The following JMJD1C variants were observed in gnomAD, a reference collection of about 807,000 sequenced individuals.
JMJD1C encodes the protein jumonji domain-containing protein 1C.
In JMJD1C, 31 loss-of-function variants were observed where a neutral mutation model predicts 245.3. The observed-to-expected ratio is 0.13, with a 90% CI of 0.09 to 0.17. JMJD1C has a LOEUF of 0.17. JMJD1C is among the 10% of genes least tolerant of loss of function. The pLI is 1.00. For missense variants in JMJD1C, 2,691 were observed against 3,000.2 expected (o/e 0.90, Z 2.41); for synonymous variants, 1,057 against 1,017.4 (o/e 1.04, Z -0.74).
chr10:63,375,370 T>C (rs1025637208), intron 2 of JMJD1C, among the ~76,000 whole-genome samples: 3 of 151,662 alleles, frequency 2.0e-5, no homozygotes, highest in African/African-American at 4.8e-5. Flanking sequence ...AATGAATAAT[T>C]TGAAAATGAA....
intron 1 of JMJD1C, among the ~76,000 whole-genome samples, chr10:63,397,472 CAA>C (rs1042953560): frequency 6.6e-6 from 1 of 152,078 alleles, no homozygotes. Context: ...CTCGGCCTCC[CAA>C]AGTGTTGGGA....
intron 2 of JMJD1C, among the ~76,000 whole-genome samples, chr10:63,357,359 G>A (rs985479719): frequency 6.6e-6 from 1 of 152,172 alleles, no homozygotes; most frequent in African/African-American, 2.4e-5. Flanking sequence ...AGGCTGGAGT[G>A]CAATGGCACA....
upstream of JMJD1C, among the ~76,000 whole-genome samples, chr10:63,467,611 C>A (rs1006654348): frequency 6.6e-6 from 1 of 152,242 alleles, no homozygotes; most frequent in Non-Finnish European, 1.5e-5. Context: ...TTTGCTTGGG[C>A]AATTTTATTT....
Position 63,308,205 on chromosome 10 carries a change from C to T in JMJD1C, c.334-43441G>A, listed in dbSNP as rs749612416. 2.9e-4 allele frequency among the ~76,000 whole-genome samples: 44 copies of T among 151,932 alleles called. 1 individual carries two copies. The highest frequency in any genetic ancestry group is 4.4e-5 in the Non-Finnish European group (3 of 67,992). ...TGACTGTATGCATACTAATATCTAA[C>T]GAACTTCAGCCATTTTCCCCGACTC... On this transcript the variant is annotated intron_variant, in intron 2 of 25. Coordinates refer to ENST00000399262, the MANE Select transcript of JMJD1C (RefSeq NM_032776.3).
At chr10:63,172,976 G>A (rs1182532672) in intron 24 of JMJD1C, among the ~76,000 whole-genome samples, 3 of 150,490 alleles carry the variant, frequency 2.0e-5, no homozygotes, top group South Asian at 2.1e-4. Context: ...GTCACTTTGA[G>A]CCTACTAAAA....
Position 63,419,741 on chromosome 10 carries a change from G to C in JMJD1C, c.169-39259C>G, listed in dbSNP as rs1950009444. Among the ~76,000 whole-genome samples, 3 of 142,346 alleles carry C rather than the reference G, an allele frequency of 2.1e-5. No homozygotes were observed. In the Admixed American group the frequency reaches 2.2e-4, roughly 11 times the overall value. The allele number at this position is 142,346 out of a possible 152,430, so 93.4% of individuals were successfully genotyped here. A position where few individuals can be genotyped will look rare whatever the true frequency, so the allele number is the denominator to read the frequency against. The stretch of plus-strand genomic sequence containing the variant: ...AGCTTTGAGTAATCAAGGTGGCTTA[G>C]AAAATCTCAAATCACACTAAGAAAA... On this transcript the variant is annotated intron_variant, in intron 1 of 25. Transcript: ENST00000399262.
chr10:63,198,207 T>TAA (rs1845660490), intron 12 of JMJD1C, among the ~76,000 whole-genome samples: 2 of 152,208 alleles, frequency 1.3e-5, no homozygotes, highest in South Asian at 4.1e-4. Flanking sequence ...ATAATTGGGG[T>TAA]AGATTATGTC....
chr10:63,485,033 T>A (rs1190627364), intron 1 of JMJD1C, among the ~76,000 whole-genome samples: 1 of 151,348 alleles, frequency 6.6e-6, no homozygotes, highest in Non-Finnish European at 1.5e-5. Context: ...CAGAAATAGA[T>A]GTAAACCCAC....
At chr10:63,433,427 G>C (rs1385270623) in intron 1 of JMJD1C, among the ~76,000 whole-genome samples, 1 of 151,768 alleles carries the variant, frequency 6.6e-6, no homozygotes, top group Non-Finnish European at 1.5e-5. Context: ...TAGATACTGA[G>C]AATTTAAAAA....
chr10:63,421,001 T>A (rs1301989776), intron 1 of JMJD1C, among the ~76,000 whole-genome samples: 1 of 151,708 alleles, frequency 6.6e-6, no homozygotes, highest in East Asian at 1.9e-4. Flanking sequence ...GACAAAAAAA[T>A]GAAAAACACA....
At chr10:63,493,948 T>G (rs1253856602) in intron 1 of JMJD1C, among the ~76,000 whole-genome samples, 1 of 151,914 alleles carries the variant, frequency 6.6e-6, no homozygotes, top group Non-Finnish European at 1.5e-5. Flanking sequence ...AACCATGGAG[T>G]CTTTTCTTCC....
intron 1 of JMJD1C, among the ~76,000 whole-genome samples, chr10:63,413,506 G>A (rs1949611467): frequency 6.6e-6 from 1 of 152,162 alleles, no homozygotes; most frequent in African/African-American, 2.4e-5. Flanking sequence ...CAACTACTGG[G>A]AAGGAGGAAG....
chr10:63,191,098 T>G lies in JMJD1C; in HGVS notation c.6087A>C (p.Glu2029Asp), dbSNP rs763839267. 1.2e-5 allele frequency: 20 copies of G among 1,609,334 alleles called. No individual in the cohort carries two copies. In the East Asian group the frequency reaches 4.5e-4, roughly 36 times the overall value. The change falls in exon 17 of 26, where the codon GAA (glutamate) becomes GAC (aspartate). Residue 2029 changes from glutamate (E) to aspartate (D), a missense_variant. By Grantham distance (45) the Glu-to-Asp change is conservative. Transcript: ENST00000399262. ...CTTTAATTTGGTTTTCAAGGGTAAGTTCTTTGTTTTCTGAAATAGAAAATT... is the reference window on the plus strand; with the variant it reads ...CTTTAATTTGGTTTTCAAGGGTAAGGTCTTTGTTTTCTGAAATAGAAAATT... ...KAREEKKENK[E>D]LTLENQIKEE...
chr10:63,411,905 ATTTTTT>A (rs1174450794), intron 1 of JMJD1C, among the ~76,000 whole-genome samples: 3 of 126,198 alleles, frequency 2.4e-5, no homozygotes, highest in African/African-American at 5.9e-5. Context: ...GCCTGGCCCA[ATTTTTT>A]TTTTTTTTTT....
At chr10:63,423,985 T>A (rs933260947) in intron 1 of JMJD1C, among the ~76,000 whole-genome samples, 6 of 152,184 alleles carry the variant, frequency 3.9e-5, no homozygotes, top group African/African-American at 1.4e-4. Context: ...TAAAATTGGG[T>A]TGTTTTCCTG....
chr10:63,507,116 A>G (rs1564977647), intron 1 of JMJD1C, among the ~76,000 whole-genome samples: 1 of 152,144 alleles, frequency 6.6e-6, no homozygotes, highest in Non-Finnish European at 1.5e-5. Context: ...TTCTAGTGCT[A>G]ATATTTCATT....
chr10:63,349,345 C>G (rs1001919430), intron 2 of JMJD1C, among the ~76,000 whole-genome samples: 2 of 152,142 alleles, frequency 1.3e-5, no homozygotes, highest in African/African-American at 4.8e-5. Flanking sequence ...TTACACAATG[C>G]CTGGTATGGA....
rs186254602 is a variant in JMJD1C at position 63,290,184 on chromosome 10, G to T, written c.334-25420C>A. On this transcript the variant is annotated intron_variant, in intron 2 of 25. Coordinates refer to ENST00000399262, the MANE Select transcript of JMJD1C (RefSeq NM_032776.3). ...GTCTAAACTTTTATAACTGAGAAAA[G>T]AATCTTAAAGAAAGGTCTAAAAGGC... Among the ~76,000 whole-genome samples, 103 of 152,192 alleles carry T rather than the reference G, an allele frequency of 6.8e-4. 1 individual carries two copies. The highest frequency in any genetic ancestry group is 2.4e-3 in the African/African-American group (98 of 41,542).
intron 2 of JMJD1C, among the ~76,000 whole-genome samples, chr10:63,328,318 A>T (rs1264754429): frequency 1.3e-5 from 2 of 152,066 alleles, no homozygotes; most frequent in Non-Finnish European, 2.9e-5. Flanking sequence ...TAAAAATGCT[A>T]TCCAATTTAG....
Sources: gnomAD v4.1 joint callset for allele counts (sites outside exome capture counted in the v4.1 genomes callset) on GRCh38, gnomAD v4.1.1 for gene constraint, MANE v1.5 for transcripts, NCBI Gene and HGNC (gene_info 2026-07-23, HGNC 2026-07-21) for gene names.